MYO6: variants seen among roughly 807,000 people sequenced by gnomAD.
MYO6 encodes unconventional myosin-VI.
Under a neutral mutation model 178.7 loss-of-function variants are expected in MYO6, and 74 were observed. That is an observed-to-expected ratio of 0.41 (90% CI 0.34 to 0.50). The LOEUF is 0.50. MYO6 is among the 20% of genes least tolerant of loss of function. The pLI, the probability that MYO6 is intolerant of heterozygous loss-of-function variation, is 0.09. For synonymous variants in MYO6, 477 were observed against 504.6 expected (o/e 0.95, Z 0.73); for missense variants, 1,330 against 1,547.4 (o/e 0.86, Z 2.36).
intron 5 of MYO6, among the ~76,000 whole-genome samples, chr6:75,831,140 A>G (rs772014395): frequency 1.3e-5 from 2 of 152,204 alleles, no homozygotes; most frequent in Admixed American, 6.5e-5. Flanking sequence ...GCTCTGAGTC[A>G]TAGAGGTTGG....
At chr6:75,833,053 C>T in intron 6 of MYO6, 106 bp downstream of exon 6, 1 of 767,804 alleles carries the variant, frequency 1.3e-6, no homozygotes, top group Non-Finnish European at 2.3e-6. Flanking sequence ...GTGTCACCAC[C>T]ACAGCTCACT....
intron 1 of MYO6, among the ~76,000 whole-genome samples, chr6:75,808,438 T>C (rs1395965551): frequency 1.3e-5 from 2 of 152,218 alleles, no homozygotes; most frequent in Non-Finnish European, 2.9e-5. Flanking sequence ...CCTACCCTTC[T>C]GACCTCATTT....
chr6:75,901,247 G>A (rs1263544857), intron 30 of MYO6, among the ~76,000 whole-genome samples: 1 of 152,088 alleles, frequency 6.6e-6, no homozygotes, highest in Non-Finnish European at 1.5e-5. Flanking sequence ...GAACTTTAAA[G>A]TAGTTTTTTC....
At position 75,918,307 on chromosome 6, in the gene MYO6, G is replaced by GT. The variant is rs1491306327; in HGVS notation, c.*3295_*3296insT. The stretch of plus-strand genomic sequence containing the variant: ...AACATGAGAATAAGGACATGTTAGA[G>GT]GGGGGGAAACAGTTGTAACAATAAG... On this transcript the variant is annotated 3_prime_UTR_variant, in exon 35 of 35. Transcript: ENST00000369977. 4.1e-5 allele frequency: 6 copies of GT among 145,830 alleles called. No individual in the cohort carries two copies. Among genetic ancestry groups the GT allele is most frequent in the East Asian group, 1.9e-4 (1 of 5,176 alleles). The allele number at this position is 145,830 out of a possible 1,614,324, so 9.0% of individuals were successfully genotyped here. A position where few individuals can be genotyped will look rare whatever the true frequency, so the allele number is the denominator to read the frequency against.
chr6:75,762,474 A>C (rs1438998430), intron 1 of MYO6, among the ~76,000 whole-genome samples: 6 of 152,172 alleles, frequency 3.9e-5, no homozygotes, highest in Non-Finnish European at 8.8e-5. Flanking sequence ...TTAGAATTCT[A>C]AGCTTGCTTT....
Position 75,857,151 on chromosome 6 carries a change from A to C in MYO6, c.1278A>C (p.Thr426=), listed in dbSNP as rs1391716520. The change falls in exon 13 of 35, where the codon ACA becomes ACC. Residue 426 remains threonine, a synonymous_variant. Transcript: ENST00000369977. ...ANNARDALAK[T]VYSHLFDHVV... is the part of the protein sequence containing the mutation. ...ATGCTCGTGATGCCCTGGCAAAGAC[A>C]GTGTATAGCCATCTTTTTGATCATG... 1 of 1,614,092 alleles carries C rather than the reference A, an allele frequency of 6.2e-7. No individual in the cohort carries two copies. Among genetic ancestry groups the C allele is most frequent in the East Asian group, 2.2e-5 (1 of 44,862 alleles).
chr6:75,901,228 G>A (rs1779748099), intron 30 of MYO6, among the ~76,000 whole-genome samples: 1 of 151,960 alleles, frequency 6.6e-6, no homozygotes, highest in Admixed American at 6.6e-5. Context: ...CTCTTTTATG[G>A]TTCCATATGA....
chr6:75,832,201 T>C (rs1773167449), intron 5 of MYO6, among the ~76,000 whole-genome samples: 1 of 152,186 alleles, frequency 6.6e-6, no homozygotes, highest in Admixed American at 6.6e-5. Context: ...AAAATATATA[T>C]GTAAACAGAG....
intron 1 of MYO6, among the ~76,000 whole-genome samples, chr6:75,771,628 T>C (rs1193223241): frequency 6.6e-6 from 1 of 152,190 alleles, no homozygotes; most frequent in East Asian, 1.9e-4. Flanking sequence ...CTGTTTGCAG[T>C]ATAAATGAGA....
At chr6:75,885,697 T>G (rs1338865239) in intron 23 of MYO6, among the ~76,000 whole-genome samples, 1 of 151,996 alleles carries the variant, frequency 6.6e-6, no homozygotes, top group African/African-American at 2.4e-5. Flanking sequence ...CCGCCCGCCT[T>G]GGCCTCCCGA....
intron 1 of MYO6, among the ~76,000 whole-genome samples, chr6:75,775,864 A>T (rs1766334420): frequency 1.3e-5 from 2 of 152,188 alleles, no homozygotes; most frequent in Non-Finnish European, 2.9e-5. Flanking sequence ...AATATGAGTA[A>T]TTAGTGATAT....
At chr6:75,876,583 T>C (rs1262313387) in intron 20 of MYO6, among the ~76,000 whole-genome samples, 1 of 152,232 alleles carries the variant, frequency 6.6e-6, no homozygotes, top group African/African-American at 2.4e-5. Flanking sequence ...CCTGGCAAGT[T>C]GCACCTGTTT....
At chr6:75,756,960 TATACACACATATATA>T (rs1273735350) in intron 1 of MYO6, among the ~76,000 whole-genome samples, 1 of 32,974 alleles carries the variant, frequency 3.0e-5, no homozygotes, top group Non-Finnish European at 9.0e-5. Context: ...TGTATATATG[TATACACACATATATA>T]GTGTGTATAT....
intron 1 of MYO6, among the ~76,000 whole-genome samples, chr6:75,771,544 C>G (rs1433300136): frequency 3.9e-5 from 6 of 152,072 alleles, no homozygotes; most frequent in African/African-American, 1.4e-4. Context: ...ATCAGCTACA[C>G]AAAGATAGAT....
intron 18 of MYO6, among the ~76,000 whole-genome samples, chr6:75,870,259 A>C (rs1457773519): frequency 6.6e-6 from 1 of 152,234 alleles, no homozygotes; most frequent in Non-Finnish European, 1.5e-5. Flanking sequence ...TGTGTGACAC[A>C]AACTACAGTT....
At chr6:75,860,263 C>T (rs1300192228) in intron 14 of MYO6, among the ~76,000 whole-genome samples, 1 of 152,160 alleles carries the variant, frequency 6.6e-6, no homozygotes, top group Non-Finnish European at 1.5e-5. Flanking sequence ...ATTTTACTTA[C>T]ATTCTGTAGT....
intron 1 of MYO6, among the ~76,000 whole-genome samples, chr6:75,755,764 G>A (rs1454171294): frequency 3.3e-5 from 5 of 152,090 alleles, no homozygotes; most frequent in Admixed American, 2.0e-4. Flanking sequence ...TGTCTACCAC[G>A]GACCAGGCAC....
At chr6:75,913,928 AT>A in intron 33 of MYO6, 134 bp from the exon 34 acceptor site, 1 of 695,556 alleles carries the variant, frequency 1.4e-6, no homozygotes. Flanking sequence ...GGCAATAAAT[AT>A]TTTCATTTTG....
chr6:75,798,736 C>T (rs1201877906), intron 1 of MYO6, among the ~76,000 whole-genome samples: 1 of 151,792 alleles, frequency 6.6e-6, no homozygotes, highest in African/African-American at 2.4e-5. Context: ...TCACACCACT[C>T]TTATTCTGGA....
Sources: gnomAD v4.1 joint callset for allele counts (sites outside exome capture counted in the v4.1 genomes callset) on GRCh38, gnomAD v4.1.1 for gene constraint, MANE v1.5 for transcripts, NCBI Gene and HGNC (gene_info 2026-07-23, HGNC 2026-07-21) for gene names.